ERBB4: variants seen among roughly 807,000 people sequenced by gnomAD.
ERBB4 encodes the protein receptor tyrosine-protein kinase erbB-4.
In ERBB4, 42 loss-of-function variants were observed where a neutral mutation model predicts 158.0. That is an observed-to-expected ratio of 0.27 (90% CI 0.21 to 0.34). The LOEUF is 0.34. ERBB4 is among the 10% of genes least tolerant of loss of function. The pLI, the probability that ERBB4 is intolerant of heterozygous loss-of-function variation, is 1.00. For missense variants in ERBB4, 1,333 were observed against 1,624.1 expected (o/e 0.82, Z 3.08); for synonymous variants, 583 against 558.7 (o/e 1.04, Z -0.61).
intron 1 of ERBB4, among the ~76,000 whole-genome samples, chr2:212,377,441 T>G (rs1414694985): frequency 1.3e-5 from 2 of 151,816 alleles, no homozygotes; most frequent in African/African-American, 4.8e-5. Flanking sequence ...TATGGTATAG[T>G]CTATTGCTCC....
intron 19 of ERBB4, among the ~76,000 whole-genome samples, chr2:211,588,340 G>A (rs1403241357): frequency 6.6e-6 from 1 of 151,898 alleles, no homozygotes; most frequent in Non-Finnish European, 1.5e-5. Context: ...ATAAATGCAT[G>A]AACACTTCAA....
chr2:211,434,115 T>A (rs2063800870), intron 20 of ERBB4, among the ~76,000 whole-genome samples: 1 of 152,218 alleles, frequency 6.6e-6, no homozygotes, highest in African/African-American at 2.4e-5. Context: ...TTTAGGTGGA[T>A]AATGATCCCT....
chr2:211,705,686 T>A (rs1041004053), intron 9 of ERBB4, among the ~76,000 whole-genome samples: 54 of 152,182 alleles, frequency 3.5e-4, no homozygotes, highest in Admixed American at 2.4e-3. Context: ...GTATGAACCA[T>A]TTTACATTAT....
chr2:212,452,406 T>C (rs1462235558), intron 1 of ERBB4, among the ~76,000 whole-genome samples: 4 of 152,192 alleles, frequency 2.6e-5, no homozygotes, highest in African/African-American at 9.7e-5. Flanking sequence ...TTACAAATGT[T>C]TTAAACTACT....
chr2:211,946,105 T>C (rs1010364578), intron 3 of ERBB4, among the ~76,000 whole-genome samples: 3 of 151,988 alleles, frequency 2.0e-5, no homozygotes, highest in African/African-American at 7.2e-5. Flanking sequence ...AAGAAAACTA[T>C]CTTTGAAAGA....
intron 12 of ERBB4, among the ~76,000 whole-genome samples, chr2:211,693,745 AG>A (rs1258183788): frequency 6.6e-6 from 1 of 152,208 alleles, no homozygotes; most frequent in Non-Finnish European, 1.5e-5. Context: ...GCCATAAACT[AG>A]GCTTCTTAAA....
intron 14 of ERBB4, among the ~76,000 whole-genome samples, chr2:211,666,521 T>A (rs1231557868): frequency 6.6e-6 from 1 of 152,186 alleles, no homozygotes; most frequent in Non-Finnish European, 1.5e-5. Context: ...GAATACAAAC[T>A]GATTTGGATC....
At chr2:212,450,506 T>C (rs2092429874) in intron 1 of ERBB4, among the ~76,000 whole-genome samples, 1 of 152,108 alleles carries the variant, frequency 6.6e-6, no homozygotes, top group South Asian at 2.1e-4. Context: ...CACAGATAGA[T>C]AGGCACCAGA....
chr2:212,474,352 C>T (rs950132790), intron 1 of ERBB4, among the ~76,000 whole-genome samples: 20 of 152,050 alleles, frequency 1.3e-4, no homozygotes, highest in African/African-American at 3.9e-4. Context: ...TTTCTGGTTA[C>T]TGAAGTGACA....
rs112549167 is a variant in ERBB4, at chr2:212,141,983, C to A, written c.83-17080G>T. Among the ~76,000 whole-genome samples the A allele has an allele frequency of 6.6e-3, 1,007 of 152,224 alleles. 7 individuals carry two copies. The highest frequency in any genetic ancestry group is 0.024 in the Middle Eastern group (7 of 294). ...GTCCTTATCTAGACCTACTACAAGGCACTTAGACCATCTATCTGCTACTTT... is the reference window on the plus strand; with the variant it reads ...GTCCTTATCTAGACCTACTACAAGGAACTTAGACCATCTATCTGCTACTTT... On this transcript the variant is annotated intron_variant, in intron 1 of 27. Coordinates refer to ENST00000342788, the MANE Select transcript of ERBB4 (RefSeq NM_005235.3).
chr2:211,677,012 G>A (rs565106987), intron 13 of ERBB4, among the ~76,000 whole-genome samples: 2 of 152,100 alleles, frequency 1.3e-5, no homozygotes, highest in Admixed American at 1.3e-4. Flanking sequence ...AAATTTTCCT[G>A]AAAAATGATT....
chr2:212,089,170 G>T (rs910496069), intron 2 of ERBB4, among the ~76,000 whole-genome samples: 2 of 152,008 alleles, frequency 1.3e-5, no homozygotes, highest in East Asian at 3.8e-4. Context: ...TTCACATTTT[G>T]TATCAATTAA....
At chr2:212,059,628 A>T (rs1009737697) in intron 2 of ERBB4, among the ~76,000 whole-genome samples, 20 of 152,212 alleles carry the variant, frequency 1.3e-4, no homozygotes, top group African/African-American at 4.6e-4. Context: ...GAGCCCTCAG[A>T]AATAATACCA....
chr2:211,928,353 G>A (rs369844598), intron 3 of ERBB4, among the ~76,000 whole-genome samples: 16 of 152,016 alleles, frequency 1.1e-4, no homozygotes, highest in African/African-American at 3.4e-4. Flanking sequence ...CCCACTCACC[G>A]CAGGGAATAA....
chr2:211,545,330 C>T (rs73985480), intron 20 of ERBB4, among the ~76,000 whole-genome samples: 2,245 of 152,042 alleles, frequency 0.015, 58 homozygotes, highest in African/African-American at 0.051. Context: ...ATAGTAATGA[C>T]ATCATGGAAG....
rs140749510 is a variant in ERBB4 at position 212,450,739 on chromosome 2, T to C, written c.82+87710A>G. 1.9e-3 allele frequency among the ~76,000 whole-genome samples: 290 copies of C among 151,542 alleles called. 1 individual carries two copies. The highest frequency in any genetic ancestry group is 3.0e-3 in the Non-Finnish European group (203 of 67,930). On this transcript the variant is annotated intron_variant, in intron 1 of 27. Transcript: ENST00000342788. ...AGCATATTACTATATACTGACTCTA[T>C]CTTCTGAATGACCTACTGCCTAATA...
chr2:211,768,454 G>A (rs778069473), intron 4 of ERBB4, among the ~76,000 whole-genome samples: 10 of 152,192 alleles, frequency 6.6e-5, no homozygotes, highest in East Asian at 3.8e-4. Flanking sequence ...TTGCCCTTCC[G>A]TACTGCCCTA....
chr2:211,584,878 T>C (rs1251710700), intron 19 of ERBB4, among the ~76,000 whole-genome samples: 2 of 152,058 alleles, frequency 1.3e-5, no homozygotes, highest in East Asian at 3.8e-4. Flanking sequence ...CAGGGATCCA[T>C]TTATAATTTT....
chr2:212,474,839 T>TTTTTTTTTTTTTTTTTTTTTTTG (rs1245995165), intron 1 of ERBB4, among the ~76,000 whole-genome samples: 1 of 136,158 alleles, frequency 7.3e-6, no homozygotes, highest in African/African-American at 3.4e-5. Context: ...TTTTTTTTTT[T>TTTTTTTTTTTTTTTTTTTTTTTG]TGTCAAGACA....
Sources: gnomAD v4.1 joint callset for allele counts (sites outside exome capture counted in the v4.1 genomes callset) on GRCh38, gnomAD v4.1.1 for gene constraint, MANE v1.5 for transcripts, NCBI Gene and HGNC (gene_info 2026-07-23, HGNC 2026-07-21) for gene names.